The following RNF228 variants were observed in gnomAD, a reference collection of about 807,000 sequenced individuals.
The protein encoded by RNF228 is ring finger protein 228.
chr2:222,314,918 C>T, the RNF228 span, among the ~76,000 whole-genome samples: 12 of 152,164 alleles, frequency 7.9e-5, no homozygotes, highest in African/African-American at 2.9e-4. Flanking sequence ...GACATGTTCA[C>T]AAAGATACCT....
the RNF228 span, among the ~76,000 whole-genome samples, chr2:222,314,455 A>G: frequency 6.6e-6 from 1 of 152,286 alleles, no homozygotes; most frequent in South Asian, 2.1e-4. Flanking sequence ...TGTAAATATT[A>G]GCTGCTCCTC....
chr2:222,314,453 T>G, the RNF228 span, among the ~76,000 whole-genome samples: 2 of 152,370 alleles, frequency 1.3e-5, no homozygotes, highest in Admixed American at 1.3e-4. Context: ...ACTGTAAATA[T>G]TAGCTGCTCC....
At chr2:222,319,931 C>T in the RNF228 span, among the ~76,000 whole-genome samples, 2 of 152,254 alleles carry the variant, frequency 1.3e-5, no homozygotes, top group East Asian at 1.9e-4. The surrounding 1 kb of genome is among the most constrained non-coding windows in gnomAD (Gnocchi z 7.6). Context: ...CGGAGACCGT[C>T]TCCGCTGCGT....
chr2:222,314,280 T>C, the RNF228 span, among the ~76,000 whole-genome samples: 2 of 152,226 alleles, frequency 1.3e-5, no homozygotes, highest in African/African-American at 4.8e-5. Context: ...ACTGATTGGA[T>C]GAAACAATGC....
chr2:222,314,394 T>A, the RNF228 span, among the ~76,000 whole-genome samples: 15 of 152,238 alleles, frequency 9.9e-5, no homozygotes, highest in Admixed American at 4.6e-4. Flanking sequence ...AACTTCAAAC[T>A]AAGATCTGGC....
At chr2:222,319,818 T>A in the RNF228 span, among the ~76,000 whole-genome samples, 4 of 150,678 alleles carry the variant, frequency 2.7e-5, no homozygotes, top group African/African-American at 9.7e-5. This position sits in a 1 kb window ranked among gnomAD's most constrained non-coding sequence, Gnocchi z 7.6. Flanking sequence ...CAGGCACTCC[T>A]GGCAGAAGGT....
the RNF228 span, among the ~76,000 whole-genome samples, chr2:222,319,598 G>A: frequency 1.4e-5 from 2 of 146,514 alleles, no homozygotes; most frequent in Non-Finnish European, 3.0e-5. The surrounding 1 kb of genome is among the most constrained non-coding windows in gnomAD (Gnocchi z 7.6). Context: ...GCAGCGGGTC[G>A]TGCGCTGCGC....
At chr2:222,314,869 A>T in the RNF228 span, among the ~76,000 whole-genome samples, 2 of 152,210 alleles carry the variant, frequency 1.3e-5, no homozygotes, top group African/African-American at 4.8e-5. Flanking sequence ...CTTTTTTCCC[A>T]GTTACGCAGG....
the RNF228 span, among the ~76,000 whole-genome samples, chr2:222,314,422 T>C: frequency 3.9e-5 from 6 of 152,364 alleles, no homozygotes; most frequent in Admixed American, 6.5e-5. Context: ...ATTTCTAACA[T>C]TCATTTCAGA....
At chr2:222,315,248 A>C in the RNF228 span, among the ~76,000 whole-genome samples, 1 of 152,194 alleles carries the variant, frequency 6.6e-6, no homozygotes, top group Admixed American at 6.5e-5. Flanking sequence ...TTTATCAGCC[A>C]CTCACTATGT....
the RNF228 span, chr2:222,318,467 C>G: frequency 1.3e-5 from 2 of 152,292 alleles, no homozygotes; most frequent in Non-Finnish European, 2.9e-5. Flanking sequence ...TTTCCAGGAC[C>G]GCTAGGAAGC....
chr2:222,315,398 T>C, the RNF228 span, among the ~76,000 whole-genome samples: 1 of 152,192 alleles, frequency 6.6e-6, no homozygotes, highest in East Asian at 1.9e-4. Context: ...TAACACATAT[T>C]ATACAAAGTA....
the RNF228 span, among the ~76,000 whole-genome samples, chr2:222,315,786 T>C: frequency 4.9e-4 from 75 of 152,364 alleles, no homozygotes; most frequent in African/African-American, 1.8e-3. Context: ...TGTTGTTCAC[T>C]AAATCATATT....
chr2:222,318,510 A>C, the RNF228 span: 2 of 152,126 alleles, frequency 1.3e-5, no homozygotes, highest in South Asian at 4.1e-4. Context: ...TTTACATCCC[A>C]TTCATTCTTC....
At chr2:222,315,466 G>A in the RNF228 span, among the ~76,000 whole-genome samples, 1 of 152,184 alleles carries the variant, frequency 6.6e-6, no homozygotes, top group African/African-American at 2.4e-5. Context: ...AGTGGCCAGG[G>A]CAGACCTCTC....
chr2:222,317,625 G>A, the RNF228 span: 4 of 152,020 alleles, frequency 2.6e-5, no homozygotes, highest in African/African-American at 7.2e-5. Context: ...ATTCATCTTT[G>A]TAGTTACAAA....
chr2:222,316,820 T>C, the RNF228 span, among the ~76,000 whole-genome samples: 1 of 152,162 alleles, frequency 6.6e-6, no homozygotes, highest in Non-Finnish European at 1.5e-5. Context: ...AAATAAAGAA[T>C]GAATAAGAGG....
chr2:222,319,907 A>G, the RNF228 span, among the ~76,000 whole-genome samples: 1 of 152,018 alleles, frequency 6.6e-6, no homozygotes, highest in African/African-American at 2.4e-5. The surrounding 1 kb of genome is among the most constrained non-coding windows in gnomAD (Gnocchi z 7.6). Context: ...CGTAGTCCTC[A>G]AGCGGAGGGA....
At chr2:222,316,168 G>A in the RNF228 span, among the ~76,000 whole-genome samples, 2 of 152,196 alleles carry the variant, frequency 1.3e-5, no homozygotes, top group South Asian at 2.1e-4. Context: ...GTGTTTCCAC[G>A]TAAATATAAA....
Sources: allele counts gnomAD v4.1 joint callset (sites outside exome capture counted in the v4.1 genomes callset), GRCh38; gene constraint gnomAD v4.1.1; non-coding constraint Gnocchi (gnomAD v3.1); transcripts MANE v1.5; gene names NCBI Gene and HGNC (gene_info 2026-07-23, HGNC 2026-07-21).